The following SESN3 variants were observed in gnomAD, a reference collection of about 807,000 sequenced individuals.
SESN3 encodes the protein sestrin-3.
SESN3 carries 21 observed loss-of-function variants against 55.3 expected under a neutral mutation model. That is an observed-to-expected ratio of 0.38 (90% CI 0.27 to 0.55). The LOEUF (loss-of-function observed/expected upper bound fraction) is 0.55. Among genes scored for constraint, SESN3 ranks in the 20% least tolerant of loss-of-function variants. The pLI is 0.76. For synonymous variants in SESN3, 181 were observed against 203.1 expected (o/e 0.89, Z 0.93); for missense variants, 408 against 604.3 (o/e 0.68, Z 3.41).
chr11:95,205,649 A>C (rs911872858), intron 1 of SESN3, among the ~76,000 whole-genome samples: 4 of 152,220 alleles, frequency 2.6e-5, no homozygotes, highest in Admixed American at 6.5e-5. Context: ...GATTATGCTT[A>C]TAAGACAGTA....
In SESN3 at chr11:95,226,932, T is replaced by C. The variant is rs1198731580; in HGVS notation, c.78+3851A>G. Reference sequence around the variant, plus strand: ...TCCATACGAAGCAGTTTGAAAACCATTGCATAAAGGTTTGCCATCACTAAT... The same window carrying C: ...TCCATACGAAGCAGTTTGAAAACCACTGCATAAAGGTTTGCCATCACTAAT... On this transcript the variant is annotated intron_variant, in intron 1 of 9. Coordinates refer to ENST00000536441, the MANE Select transcript of SESN3 (RefSeq NM_144665.4). 3.9e-5 allele frequency among the ~76,000 whole-genome samples: 6 copies of C among 152,342 alleles called. No individual in the cohort carries two copies. In the Middle Eastern group the frequency reaches 0.01, roughly 259 times the overall value.
At chr11:95,186,464 C>T (rs552710341) in intron 4 of SESN3, among the ~76,000 whole-genome samples, 1 of 151,932 alleles carries the variant, frequency 6.6e-6, no homozygotes, top group African/African-American at 2.4e-5. Flanking sequence ...ATTCTATCAT[C>T]CTATGGCCAG....
chr11:95,204,492 A>G (rs1860512948), intron 1 of SESN3, among the ~76,000 whole-genome samples: 3 of 151,924 alleles, frequency 2.0e-5, no homozygotes, highest in South Asian at 4.2e-4. Context: ...CCCCCCCCTC[A>G]AAATTCGTAT....
rs1006631150 is a variant in SESN3 at position 95,184,272 on chromosome 11, C to A, written c.937+148G>T. On this transcript the variant is annotated intron_variant, in intron 6 of 9. Coordinates refer to ENST00000536441, the MANE Select transcript of SESN3 (RefSeq NM_144665.4). ...AAGGATGAACCAGCCTGAGGGAAAGCAATAGCATGAGGGTAAGATAGAAGA... is the reference window on the plus strand; with the variant it reads ...AAGGATGAACCAGCCTGAGGGAAAGAAATAGCATGAGGGTAAGATAGAAGA... 6.0e-6 allele frequency: 4 copies of A among 663,962 alleles called. No individual in the cohort carries two copies. In the African/African-American group the frequency reaches 7.3e-5, roughly 12 times the overall value. The allele number at this position is 663,962 out of a possible 1,614,324, so 41.1% of individuals were successfully genotyped here. A position where few individuals can be genotyped will look rare whatever the true frequency, so the allele number is the denominator to read the frequency against.
At chr11:95,211,979 A>C (rs573207267) in intron 1 of SESN3, among the ~76,000 whole-genome samples, 36 of 152,342 alleles carry the variant, frequency 2.4e-4, no homozygotes, top group African/African-American at 8.2e-4. Context: ...GAAATGGAAA[A>C]TAAAATTGGA....
Position 95,177,732 on chromosome 11 carries a change from T to C in SESN3, c.1234A>G (p.Met412Val), listed in dbSNP as rs1859984177. 2.5e-6 allele frequency: 4 copies of C among 1,607,080 alleles called. No homozygotes were observed. Among genetic ancestry groups the C allele is most frequent in the Non-Finnish European group, 2.5e-6 (3 of 1,177,816 alleles). Residue 412 changes from methionine (M) to valine (V), a missense_variant, in exon 8 of 10, where the codon ATG becomes GTG. This residue lies in a region of SESN3 where 121 missense variants were observed against 204.9 expected (regional missense o/e 0.59). Coordinates refer to ENST00000536441, the MANE Select transcript of SESN3 (RefSeq NM_144665.4). ...RRALFNYVHC[M>V]FGIRYDDYDY... ...CAATGAACATACCTGATTCCAAACATACAGTGAACATAGTTAAATAAAGCT... is the reference window on the plus strand; with the variant it reads ...CAATGAACATACCTGATTCCAAACACACAGTGAACATAGTTAAATAAAGCT...
At chr11:95,217,268 T>C (rs1001215681) in intron 1 of SESN3, among the ~76,000 whole-genome samples, 1 of 152,094 alleles carries the variant, frequency 6.6e-6, no homozygotes, top group Non-Finnish European at 1.5e-5. Flanking sequence ...TGCATTTAAT[T>C]CTCCCATATG....
intron 6 of SESN3, chr11:95,182,128 A>C (rs1860069260): frequency 3.0e-6 from 1 of 333,042 alleles, no homozygotes. Context: ...AAGTTCCAAG[A>C]AGGTAGAGAC....
At chr11:95,198,450 T>C (rs1386711308) in intron 1 of SESN3, among the ~76,000 whole-genome samples, 3 of 152,164 alleles carry the variant, frequency 2.0e-5, no homozygotes, top group Non-Finnish European at 2.9e-5. Context: ...AGTGAAAATA[T>C]GCAGTGGCTG....
intron 1 of SESN3, among the ~76,000 whole-genome samples, chr11:95,198,490 T>C (rs746649548): frequency 2.0e-5 from 3 of 152,204 alleles, no homozygotes; most frequent in Non-Finnish European, 2.9e-5. Context: ...TATTGCTATG[T>C]TTTTCTCTAA....
In SESN3 at chr11:95,167,122, A is replaced by G. The variant is rs138983528; in HGVS notation, c.*6133T>C. 6.6e-6 allele frequency: 1 copy of G among 152,312 alleles called. No individual in the cohort carries two copies. Among genetic ancestry groups the G allele is most frequent in the African/African-American group, 2.4e-5 (1 of 41,566 alleles). The allele number at this position is 152,312 out of a possible 1,614,324, so 9.4% of individuals were successfully genotyped here. A position where few individuals can be genotyped will look rare whatever the true frequency, so the allele number is the denominator to read the frequency against. ...ATATTAATTTAAGAAAGAGATGTATAATAAGTTTTATTCTGTAAGTTTCAT... is the reference window on the plus strand; with the variant it reads ...ATATTAATTTAAGAAAGAGATGTATGATAAGTTTTATTCTGTAAGTTTCAT... On this transcript the variant is annotated 3_prime_UTR_variant, in exon 10 of 10. Transcript: ENST00000536441.
intron 6 of SESN3, among the ~76,000 whole-genome samples, chr11:95,181,266 AAGT>A (rs1445323342): frequency 6.6e-6 from 1 of 152,096 alleles, no homozygotes; most frequent in African/African-American, 2.4e-5. Context: ...AGTAAAAAGT[AAGT>A]AGTCAGCCAA....
In SESN3 at chr11:95,196,543, T is replaced by A. The variant is rs537227499; in HGVS notation, c.79-3021A>T. ...CTCCGCCTTTCTTTCAAATCCCAAA[T>A]GTCCAAGGACCAAGTTCCTACTTCA... On this transcript the variant is annotated intron_variant, in intron 1 of 9. Transcript: ENST00000536441. 2.0e-5 allele frequency among the ~76,000 whole-genome samples: 3 copies of A among 152,134 alleles called. No individual in the cohort carries two copies. The South Asian group carries it at 6.2e-4, about 32-fold the overall frequency.
intron 1 of SESN3, among the ~76,000 whole-genome samples, chr11:95,213,682 G>GTGTTCCATGAGATAGCTCA (rs1242801795): frequency 1.3e-5 from 2 of 152,094 alleles, no homozygotes; most frequent in Non-Finnish European, 2.9e-5. Context: ...ATTGCTTCCA[G>GTGTTCCATGAGATAGCTCA]TGTTCCATGA....
rs1860901322 is a variant in SESN3, at chr11:95,223,781, T to C, written c.78+7002A>G. On this transcript the variant is annotated intron_variant, in intron 1 of 9. Coordinates refer to ENST00000536441, the MANE Select transcript of SESN3 (RefSeq NM_144665.4). ...CTGGCTCAGTAGTTCGTAAATGTCT[T>C]GGTCCTGGAACCCCTTCATAAATGT... 2.0e-5 allele frequency among the ~76,000 whole-genome samples: 3 copies of C among 151,820 alleles called. No individual in the cohort carries two copies. In the South Asian group the frequency reaches 6.2e-4, roughly 31 times the overall value.
intron 4 of SESN3, among the ~76,000 whole-genome samples, chr11:95,186,243 G>GTGTGTGTGTGTGTGTGTGTGTGT (rs1860164680): frequency 3.4e-5 from 2 of 58,462 alleles, no homozygotes; most frequent in East Asian, 6.1e-4. Flanking sequence ...TGTGTGTGTG[G>GTGTGTGTGTGTGTGTGTGTGTGT]TGTATGTAAG....
At chr11:95,215,019 A>C (rs1479540645) in intron 1 of SESN3, among the ~76,000 whole-genome samples, 1 of 152,214 alleles carries the variant, frequency 6.6e-6, no homozygotes, top group East Asian at 1.9e-4. Context: ...ATTTTGTAAA[A>C]TAGGCAAAAG....
At chr11:95,207,353 G>A (rs1323791399) in intron 1 of SESN3, among the ~76,000 whole-genome samples, 1 of 151,428 alleles carries the variant, frequency 6.6e-6, no homozygotes, top group African/African-American at 2.4e-5. Context: ...GAATGCTAGA[G>A]GTAAGGTGAT....
chr11:95,193,840 G>C (rs1860311347), intron 1 of SESN3, among the ~76,000 whole-genome samples: 1 of 152,056 alleles, frequency 6.6e-6, no homozygotes, highest in Non-Finnish European at 1.5e-5. Flanking sequence ...TAATAAAATA[G>C]TGTTTTATAG....
Sources: gnomAD v4.1 joint callset for allele counts (sites outside exome capture counted in the v4.1 genomes callset) on GRCh38, gnomAD v4.1.1 for gene constraint, gnomAD v4.1.1 regional missense constraint, MANE v1.5 for transcripts, NCBI Gene and HGNC (gene_info 2026-07-23, HGNC 2026-07-21) for gene names.